Variants in TBC1D19 observed in about 807,000 individuals in gnomAD.
The protein encoded by TBC1D19 is TBC1 domain family, member 19.
TBC1D19 carries 60 observed loss-of-function variants against 89.0 expected under a neutral mutation model. The ratio of observed to expected loss-of-function variants is 0.67; its 90% CI spans 0.55 to 0.84. The LOEUF (loss-of-function observed/expected upper bound fraction) is 0.84. Ranked by LOEUF, TBC1D19 falls within the 40% of genes least tolerant of loss-of-function variation. The pLI is 0.00. For missense variants in TBC1D19, 500 were observed against 610.8 expected (o/e 0.82, Z 1.91); for synonymous variants, 189 against 199.7 (o/e 0.95, Z 0.45).
chr4:26,630,755 A>G (rs1443138883), intron 4 of TBC1D19, among the ~76,000 whole-genome samples: 1 of 152,046 alleles, frequency 6.6e-6, no homozygotes, highest in Non-Finnish European at 1.5e-5. Context: ...TTTAATATTA[A>G]ATGATCATCT....
At chr4:26,788,426 T>G in the TBC1D19 span, among the ~76,000 whole-genome samples, 1 of 152,206 alleles carries the variant, frequency 6.6e-6, no homozygotes, top group African/African-American at 2.4e-5. Context: ...GTATGTGCAT[T>G]TTGTGCAAAG....
the TBC1D19 span, among the ~76,000 whole-genome samples, chr4:26,842,438 G>T: frequency 7.3e-6 from 1 of 137,890 alleles, no homozygotes; most frequent in Non-Finnish European, 1.5e-5. Flanking sequence ...TCCAACTCCT[G>T]GGCACAGGTG....
chr4:26,692,751 T>A (rs1490157845), intron 13 of TBC1D19, among the ~76,000 whole-genome samples: 1 of 151,446 alleles, frequency 6.6e-6, no homozygotes, highest in African/African-American at 2.4e-5. Context: ...CTAGGAGGAG[T>A]CCTGATGGGA....
chr4:26,649,309 C>G (rs1744171308), intron 7 of TBC1D19, among the ~76,000 whole-genome samples: 1 of 152,070 alleles, frequency 6.6e-6, no homozygotes, highest in Admixed American at 6.6e-5. Flanking sequence ...ATCATAATCT[C>G]CTCCACTAGA....
rs375315712 is a variant in TBC1D19, at chr4:26,659,630, A to G, written c.514A>G (p.Asn172Asp). 8.5e-5 allele frequency: 135 copies of G among 1,590,576 alleles called. No individual in the cohort carries two copies. The highest frequency in any genetic ancestry group is 1.2e-4 in the Non-Finnish European group (134 of 1,163,920). ...TAATCTTCGCAACCCAAATTATGAA[A>G]ACGGTGATTCTCTTAGTTTCAGGAC... ...LINLRNPNYE[N>D]GDSLSFRTHL... Residue 172 changes from asparagine (N) to aspartate (D), a missense_variant, in exon 8 of 21, where the codon AAC (asparagine) becomes GAC (aspartate). By Grantham distance (23) the Asn-to-Asp change is conservative (BLOSUM62 1). This residue lies in a region of TBC1D19 where 280 missense variants were observed against 291.7 expected (regional missense o/e 0.96). Transcript: ENST00000264866.
chr4:26,795,972 T>C, the TBC1D19 span, among the ~76,000 whole-genome samples: 499 of 152,332 alleles, frequency 3.3e-3, 1 homozygote, highest in African/African-American at 0.011. Flanking sequence ...ACAAAAATCT[T>C]TTCTCCATTG....
At chr4:26,759,391 A>G (rs1719384076), downstream of TBC1D19, among the ~76,000 whole-genome samples, 1 of 152,234 alleles carries the variant, frequency 6.6e-6, no homozygotes, top group Non-Finnish European at 1.5e-5. Flanking sequence ...ATATTTTCAG[A>G]GGAAAAAATG....
rs1739997228 is a variant in TBC1D19 at position 26,593,777 on chromosome 4, A to C, written c.99+9485A>C. The stretch of plus-strand genomic sequence containing the variant: ...CTGGCCATCAGAGAAATGCAAATCA[A>C]AACCACAATGAGATACCATCTCACA... On this transcript the variant is annotated intron_variant, in intron 1 of 20. Transcript: ENST00000264866. Among the ~76,000 whole-genome samples the C allele has an allele frequency of 2.6e-5, 4 of 152,224 alleles. No individual in the cohort carries two copies. In the South Asian group the frequency reaches 6.2e-4, roughly 24 times the overall value.
chr4:26,590,805 T>G (rs1227164978), intron 1 of TBC1D19, among the ~76,000 whole-genome samples: 1 of 118,144 alleles, frequency 8.5e-6, no homozygotes, highest in African/African-American at 3.1e-5. Context: ...TGTTTTTTTT[T>G]TTTTTTTTTT....
the TBC1D19 span, among the ~76,000 whole-genome samples, chr4:26,840,074 C>G: frequency 6.6e-6 from 1 of 151,686 alleles, no homozygotes; most frequent in Non-Finnish European, 1.5e-5. Flanking sequence ...TTCTCTTTCT[C>G]TCTTCCTCTC....
chr4:26,811,808 G>A, the TBC1D19 span, among the ~76,000 whole-genome samples: 1 of 152,158 alleles, frequency 6.6e-6, no homozygotes, highest in Admixed American at 6.5e-5. Flanking sequence ...ATGCACTGGT[G>A]GGCGTGTAGC....
intron 7 of TBC1D19, among the ~76,000 whole-genome samples, chr4:26,655,591 C>G (rs1031904702): frequency 1.6e-4 from 24 of 152,210 alleles, no homozygotes; most frequent in African/African-American, 5.8e-4. Context: ...CTCTCCCAGC[C>G]TTGCTGCCAC....
chr4:26,642,792 T>C (rs1743637956), intron 7 of TBC1D19, among the ~76,000 whole-genome samples: 1 of 149,150 alleles, frequency 6.7e-6, no homozygotes, highest in Admixed American at 6.9e-5. Flanking sequence ...TAGTCTCTGA[T>C]AAAACAGACT....
chr4:26,813,127 G>A, the TBC1D19 span, among the ~76,000 whole-genome samples: 1 of 152,078 alleles, frequency 6.6e-6, no homozygotes, highest in Non-Finnish European at 1.5e-5. Context: ...GGCTGAGGTG[G>A]GAGGATCATT....
chr4:26,762,457 A>C, the TBC1D19 span, among the ~76,000 whole-genome samples: 2 of 152,196 alleles, frequency 1.3e-5, no homozygotes, highest in African/African-American at 2.4e-5. Context: ...CTGGACCTTC[A>C]ATGTATACAG....
At chr4:26,629,655 A>G (rs1057108730) in intron 4 of TBC1D19, among the ~76,000 whole-genome samples, 8 of 152,054 alleles carry the variant, frequency 5.3e-5, no homozygotes, top group Non-Finnish European at 1.2e-4. Flanking sequence ...TAAAAAATTT[A>G]AAAGAATCTA....
At chr4:26,841,316 G>A in the TBC1D19 span, among the ~76,000 whole-genome samples, 1 of 151,714 alleles carries the variant, frequency 6.6e-6, no homozygotes. Context: ...AACCTGGGAG[G>A]TAGAGGTTGC....
At chr4:26,839,961 A>C in the TBC1D19 span, among the ~76,000 whole-genome samples, 1 of 151,952 alleles carries the variant, frequency 6.6e-6, no homozygotes, top group East Asian at 1.9e-4. Flanking sequence ...TCTCTGGTTG[A>C]TTTTGGTCAT....
At chr4:26,684,830 T>TG (rs1713670490) in intron 12 of TBC1D19, among the ~76,000 whole-genome samples, 1 of 152,212 alleles carries the variant, frequency 6.6e-6, no homozygotes, top group Non-Finnish European at 1.5e-5. Flanking sequence ...GACTGCTTAC[T>TG]GTGCCATATA....
Sources: allele counts gnomAD v4.1 joint callset (sites outside exome capture counted in the v4.1 genomes callset), GRCh38; gene constraint gnomAD v4.1.1; regional missense constraint gnomAD v4.1.1; transcripts MANE v1.5; gene names NCBI Gene and HGNC (gene_info 2026-07-23, HGNC 2026-07-21).